Variants in ASPM observed in about 807,000 individuals in gnomAD.
ASPM encodes abnormal spindle-like microcephaly-associated protein.
Under a neutral mutation model 366.4 loss-of-function variants are expected in ASPM, and 256 were observed. The ratio of observed to expected loss-of-function variants is 0.70; its 90% CI spans 0.63 to 0.77. The LOEUF (loss-of-function observed/expected upper bound fraction) is 0.77, where lower values mean the gene tolerates loss of function less well. ASPM is among the 30% of genes least tolerant of loss of function. The pLI is 0.00. For synonymous variants in ASPM, 1,414 were observed against 1,342.9 expected, an observed-to-expected ratio of 1.05 and a Z score of -1.16; for missense variants, 4,146 against 4,090.4, an observed-to-expected ratio of 1.01 and a Z score of -0.37.
rs867409096 is a variant in ASPM, at chr1:197,146,626, G to C, written c.-189C>G. 3.1e-6 allele frequency: 2 copies of C among 650,134 alleles called. No individual in the cohort carries two copies. The highest frequency in any genetic ancestry group is 4.2e-4 in the Middle Eastern group (1 of 2,386). The allele number at this position is 650,134 out of a possible 1,614,324, so 40.3% of individuals were successfully genotyped here. A position where few individuals can be genotyped will look rare whatever the true frequency, so the allele number is the denominator to read the frequency against. On this transcript the variant is annotated 5_prime_UTR_variant, in exon 1 of 28. Coordinates refer to ENST00000367409, the MANE Select transcript of ASPM (RefSeq NM_018136.5). ...AACAGAAAACAAGCCCAATAAACTC[G>C]CAAATTAAAAAGAGGAGCCAAACAA...
intron 27 of ASPM, among the ~76,000 whole-genome samples, chr1:197,085,433 C>T (rs947126652): frequency 1.3e-5 from 2 of 152,078 alleles, no homozygotes; most frequent in African/African-American, 2.4e-5. Flanking sequence ...CGAGGGAGTT[C>T]ATGCATCTTC....
intron 17 of ASPM, among the ~76,000 whole-genome samples, chr1:197,108,469 C>A (rs991935308): frequency 6.6e-6 from 1 of 151,496 alleles, no homozygotes; most frequent in African/African-American, 2.4e-5. Flanking sequence ...GCAAGACTGA[C>A]AAAGAAGAAA....
At chr1:197,099,368 G>A (rs540851841) in intron 18 of ASPM, among the ~76,000 whole-genome samples, 139 of 151,240 alleles carry the variant, frequency 9.2e-4, no homozygotes, top group African/African-American at 3.2e-3. Context: ...TTGCCAACCT[G>A]GTCCCATATC....
Position 197,100,529 on chromosome 1 carries a change from GTAAA to G in ASPM, c.8718_8721del (p.Leu2907ArgfsTer30). On this transcript the variant is annotated frameshift_variant, in exon 18 of 28. Transcript: ENST00000367409. LOFTEE classifies it high-confidence loss of function. Reference sequence around the variant, plus strand: ...ATAATGATAACACTGCTTCTGATCTGTAAATAGACTTGTCTTTGATGTTTTGCAG... The same window carrying G: ...ATAATGATAACACTGCTTCTGATCTGTAGACTTGTCTTTGATGTTTTGCAG... 6.2e-7 allele frequency: 1 copy of G among 1,611,212 alleles called. No individual in the cohort carries two copies. Among genetic ancestry groups the G allele is most frequent in the African/African-American group, 1.3e-5 (1 of 74,836 alleles).
In ASPM at chr1:197,103,386, T is replaced by G; in HGVS notation, c.5865A>C (p.Gln1955His). The change falls in exon 18 of 28, where the codon CAA (glutamine) becomes CAC (histidine). Residue 1955 changes from glutamine (Q) to histidine (H), a missense_variant. Physicochemically the swap from Gln to His is conservative, Grantham distance 24. This residue lies in a region of ASPM where 3,624 missense variants were observed against 3,591.7 expected (regional missense o/e 1.01). Coordinates refer to ENST00000367409, the MANE Select transcript of ASPM (RefSeq NM_018136.5). ...IELRHAVLVL[Q>H]SMWKGKTLRR... ...TCAGTGTTTTTCCCTTCCACATAGA[T>G]TGAAGCACCAGTACCGCATGACGGA... 1 of 1,613,350 alleles carries G rather than the reference T, an allele frequency of 6.2e-7. No homozygotes were observed. Among genetic ancestry groups the G allele is most frequent in the Non-Finnish European group, 8.5e-7 (1 of 1,179,508 alleles).
At chr1:197,144,554 C>T (rs1477819229) in intron 1 of ASPM, among the ~76,000 whole-genome samples, 1 of 152,184 alleles carries the variant, frequency 6.6e-6, no homozygotes, top group Non-Finnish European at 1.5e-5. Context: ...ACTGAGATTT[C>T]TTAAACAGGT....
Position 197,101,289 on chromosome 1 carries a change from A to G in ASPM, c.7962T>C (p.Ile2654=). The G allele has an allele frequency of 6.2e-7, 1 of 1,611,988 alleles. No homozygotes were observed. The highest frequency in any genetic ancestry group is 8.5e-7 in the Non-Finnish European group (1 of 1,178,944). The change falls in exon 18 of 28, where the codon ATT becomes ATC. Residue 2654 remains isoleucine (I), a synonymous_variant. Coordinates refer to ENST00000367409, the MANE Select transcript of ASPM (RefSeq NM_018136.5). ...YLHLRATVVS[I]QRRYRKLTAV... ...CAGTTAGTTTTCTGTATCTTCTTTG[A>G]ATAGAAACTACTGTTGCTCTAAGGT...
In ASPM at chr1:197,146,190, G is replaced by A. The variant is rs750568629; in HGVS notation, c.248C>T (p.Pro83Leu). 1 of 1,613,980 alleles carries A rather than the reference G, an allele frequency of 6.2e-7. No homozygotes were observed. The highest frequency in any genetic ancestry group is 1.3e-5 in the African/African-American group (1 of 74,890). Residue 83 changes from proline (P) to leucine (L), a missense_variant, in exon 1 of 28, where the codon CCG becomes CTG. Pro to Leu is a moderately conservative substitution (Grantham distance 98). This residue lies in a region of ASPM where 512 missense variants were observed against 471.7 expected (regional missense o/e 1.09). Coordinates refer to ENST00000367409, the MANE Select transcript of ASPM (RefSeq NM_018136.5). ...EVAEVKISHFPAADLGFSVSQ... is the reference protein window; with the variant it reads ...EVAEVKISHFLAADLGFSVSQ... ...CACACTGAAGCCCAGGTCCGCGGCCGGGAAGTGGGAGATCTTCACTTCTGC... is the reference window on the plus strand; with the variant it reads ...CACACTGAAGCCCAGGTCCGCGGCCAGGAAGTGGGAGATCTTCACTTCTGC...
rs527840665 is a variant in ASPM, at chr1:197,092,198, G to A, written c.9295-142C>T. ...TTTAATCATTACAATTACTTATATTGTAATTCAAAGTAATTACAATATTGT... is the reference window on the plus strand; with the variant it reads ...TTTAATCATTACAATTACTTATATTATAATTCAAAGTAATTACAATATTGT... On this transcript the variant is annotated intron_variant, in intron 21 of 27. Transcript: ENST00000367409. 7.6e-6 allele frequency: 6 copies of A among 788,152 alleles called. No homozygotes were observed. The Middle Eastern group carries it at 1.1e-3, about 147-fold the overall frequency. 48.8% of individuals were successfully genotyped at this position (788,152 alleles called of 1,614,324 possible).
Position 197,103,735 on chromosome 1 carries a change from T to A in ASPM, c.5516A>T (p.Asn1839Ile), listed in dbSNP as rs1557947337. ...CACAGATTGATATTTTACCCTTTTA[T>A]TATAGCCTCTAAAAGCAGACTGAAT... The part of the protein sequence containing the change: ...LKIQSAFRGY[N>I]KRVKYQSVLQ... The change falls in exon 18 of 28, where the codon AAT becomes ATT. Residue 1839 changes from asparagine (N) to isoleucine (I), a missense_variant. This residue lies in a region of ASPM where 3,624 missense variants were observed against 3,591.7 expected (regional missense o/e 1.01). Transcript: ENST00000367409. 5.6e-6 allele frequency: 9 copies of A among 1,612,842 alleles called. No homozygotes were observed. In the South Asian group the frequency reaches 9.9e-5, roughly 18 times the overall value.
In ASPM at chr1:197,101,049, G is replaced by A. The variant is rs751417978; in HGVS notation, c.8202C>T (p.Asn2734=). The change falls in exon 18 of 28, where the codon AAC becomes AAT. Residue 2734 remains asparagine, a synonymous_variant. Transcript: ENST00000367409. The stretch of plus-strand genomic sequence containing the variant: ...GTACAGATTTCTGAACTGCTAAAAA[G>A]TTTTTTCTTTCTGTTTTTACTCTAA... ...LYVRVKTERK[N]FLAVQKSVRT... 11 of 1,611,354 alleles carry A rather than the reference G, an allele frequency of 6.8e-6. No homozygotes were observed. Among genetic ancestry groups the A allele is most frequent in the Non-Finnish European group, 9.3e-6 (11 of 1,178,830 alleles).
At position 197,103,532 on chromosome 1, in the gene ASPM, CA is replaced by C. The variant is rs1251212581; in HGVS notation, c.5718del (p.Ala1907LeufsTer19). 1 of 1,613,040 alleles carries C rather than the reference CA, an allele frequency of 6.2e-7. No individual in the cohort carries two copies. Among genetic ancestry groups the C allele is most frequent in the African/African-American group, 1.3e-5 (1 of 74,820 alleles). Reference protein sequence around the residue: ...REHQAALKIQSAFRMAKAQKQ... With the variant: ...REHQAALKIQXAFRMAKAQKQ... ...TTCTGGGCCTTGGCCATTCTAAAAG[CA>C]GACTGAATCTTCAAGGCAGCTTGAT... On this transcript the variant is annotated frameshift_variant, in exon 18 of 28. Coordinates refer to ENST00000367409, the MANE Select transcript of ASPM (RefSeq NM_018136.5). LOFTEE classifies it high-confidence loss of function.
rs1335108116 is a variant in ASPM, at chr1:197,124,177, T to G, written c.3323A>C (p.Gln1108Pro). The change falls in exon 13 of 28, where the codon CAA (glutamine) becomes CCA (proline). Residue 1108 changes from glutamine (Q) to proline (P), a missense_variant. By Grantham distance (76) the Gln-to-Pro change is moderately conservative. Transcript: ENST00000367409. ...KGKRDSGSFE[Q>P]YSENIKLLMD... ...CAATAACTTTATGTTTTCACTATAT[T>G]GTTCAAAGGAACCACTATCCCTTTT... 1.2e-6 allele frequency: 2 copies of G among 1,612,812 alleles called. No homozygotes were observed. The highest frequency in any genetic ancestry group is 1.7e-6 in the Non-Finnish European group (2 of 1,179,286).
rs776605087 is a variant in ASPM, at chr1:197,103,987, A to C, written c.5264T>G (p.Val1755Gly). Residue 1755 changes from valine to glycine, a missense_variant, in exon 18 of 28, where the codon GTT becomes GGT. This residue lies in a region of ASPM where 3,624 missense variants were observed against 3,591.7 expected (regional missense o/e 1.01). Transcript: ENST00000367409. ...TCTGAAATAAGACTGTAGTGAAATAACAGCTTTTCTTTGTAACCTCATCTG... is the reference window on the plus strand; with the variant it reads ...TCTGAAATAAGACTGTAGTGAAATACCAGCTTTTCTTTGTAACCTCATCTG... ...RKQMRLQRKA[V>G]ISLQSYFRMR... 6 of 1,612,358 alleles carry C rather than the reference A, an allele frequency of 3.7e-6. No individual in the cohort carries two copies. The East Asian group carries it at 1.3e-4, about 36-fold the overall frequency.
In ASPM at chr1:197,138,614, GT is replaced by G. The variant is rs1226017469; in HGVS notation, c.2026+1152del. 3 of 444,820 alleles carry G rather than the reference GT, an allele frequency of 6.7e-6. No individual in the cohort carries two copies. The East Asian group carries it at 1.5e-4, about 23-fold the overall frequency. 27.6% of individuals were successfully genotyped at this position (444,820 alleles called of 1,614,324 possible). ...CGCCCCACTAGGAGTTCACACTTTA[GT>G]TAGGGAAAATATACAATAAGCAAGC... On this transcript the variant is annotated intron_variant, in intron 4 of 27. Coordinates refer to ENST00000367409, the MANE Select transcript of ASPM (RefSeq NM_018136.5).
At chr1:197,095,825 T>C (rs1429633365) in intron 19 of ASPM, among the ~76,000 whole-genome samples, 173 bp downstream of exon 19, 1 of 151,790 alleles carries the variant, frequency 6.6e-6, no homozygotes, top group Admixed American at 6.6e-5. Context: ...AGCAAGACAG[T>C]ACGAGAGATG....
At position 197,104,789 on chromosome 1, in the gene ASPM, T is replaced by C. The variant is rs1657355847; in HGVS notation, c.4462A>G (p.Arg1488Gly). Reference protein sequence around the residue: ...HKELRKYIYIRSCVVIIQKRF... With the variant: ...HKELRKYIYIGSCVVIIQKRF... ...TTCTGAATGATAACAACACAAGATC[T>C]AATATAAATATATTTCCGTAATTCT... Residue 1488 changes from arginine (R) to glycine (G), a missense_variant, in exon 18 of 28, where the codon AGA becomes GGA. Arg to Gly is a moderately radical substitution (Grantham distance 125). Around this residue, in one of 3 missense-constraint regions of ASPM, gnomAD observed 3,624 missense variants for 3,591.7 expected, o/e 1.01. Coordinates refer to ENST00000367409, the MANE Select transcript of ASPM (RefSeq NM_018136.5). The C allele has an allele frequency of 1.9e-6, 3 of 1,585,640 alleles. No homozygotes were observed. Among genetic ancestry groups the C allele is most frequent in the African/African-American group, 2.7e-5 (2 of 73,060 alleles).
rs2125107429 is a variant in ASPM, at chr1:197,129,147, TG to T, written c.2760+39del. ...CATGAAAGCAAGCAAAAGTCGTAAA[TG>T]GGAAATATAAAATATAAAGCATACA... On this transcript the variant is annotated intron_variant, in intron 9 of 27. Coordinates refer to ENST00000367409, the MANE Select transcript of ASPM (RefSeq NM_018136.5). 1.9e-6 allele frequency: 3 copies of T among 1,593,682 alleles called. No homozygotes were observed. In the East Asian group the frequency reaches 6.7e-5, roughly 36 times the overall value.
At position 197,142,610 on chromosome 1, in the gene ASPM, T is replaced by C; in HGVS notation, c.1642A>G (p.Ile548Val). 6.2e-7 allele frequency: 1 copy of C among 1,612,806 alleles called. No individual in the cohort carries two copies. Among genetic ancestry groups the C allele is most frequent in the Non-Finnish European group, 8.5e-7 (1 of 1,178,922 alleles). The stretch of plus-strand genomic sequence containing the variant: ...TTAGATTTACTTAATATTGGATCTA[T>C]AATTGGAAGATAAGAATGAAAATCT... ...KEDFHSYLPI[I>V]DPILSKSKSY... The change falls in exon 3 of 28, where the codon ATA becomes GTA. Residue 548 changes from isoleucine (I) to valine (V), a missense_variant. Physicochemically the swap from Ile to Val is conservative, Grantham distance 29 (BLOSUM62 3). This residue lies in a region of ASPM where 3,624 missense variants were observed against 3,591.7 expected (regional missense o/e 1.01). Coordinates refer to ENST00000367409, the MANE Select transcript of ASPM (RefSeq NM_018136.5).
Sources: gnomAD v4.1 joint callset for allele counts (sites outside exome capture counted in the v4.1 genomes callset) on GRCh38, gnomAD v4.1.1 for gene constraint, gnomAD v4.1.1 regional missense constraint, MANE v1.5 for transcripts, NCBI Gene and HGNC (gene_info 2026-07-23, HGNC 2026-07-21) for gene names.